CPPED1: variants seen among roughly 807,000 people sequenced by gnomAD.
CPPED1 encodes serine/threonine-protein phosphatase CPPED1.
Under a neutral mutation model 28.0 loss-of-function variants are expected in CPPED1, and 28 were observed. That is an observed-to-expected ratio of 1.00 (90% CI 0.74 to 1.37). CPPED1 has a LOEUF of 1.37. Among genes scored for constraint, CPPED1 ranks in the 40% most tolerant of loss-of-function variants. CPPED1 has a pLI of 0.00. For missense variants in CPPED1, 504 were observed against 416.5 expected (o/e 1.21, Z -1.83); for synonymous variants, 198 against 180.2 (o/e 1.10, Z -0.79).
At chr16:12,778,106 C>T (rs961508368) in intron 2 of CPPED1, among the ~76,000 whole-genome samples, 1 of 151,694 alleles carries the variant, frequency 6.6e-6, no homozygotes, top group African/African-American at 2.4e-5. Flanking sequence ...GATGGGGTTT[C>T]ACCATGTTGG....
intron 1 of CPPED1, among the ~76,000 whole-genome samples, chr16:12,791,644 T>C (rs2080597355): frequency 6.6e-6 from 1 of 152,184 alleles, no homozygotes; most frequent in Non-Finnish European, 1.5e-5. Flanking sequence ...AGAAGGAGGC[T>C]GGCAGGATGG....
At chr16:12,795,701 T>G (rs1342788884) in intron 1 of CPPED1, among the ~76,000 whole-genome samples, 1 of 152,218 alleles carries the variant, frequency 6.6e-6, no homozygotes, top group Non-Finnish European at 1.5e-5. Context: ...GGAGACTCCA[T>G]GGTACATGAG....
At chr16:12,737,232 T>G (rs1410834241) in intron 2 of CPPED1, among the ~76,000 whole-genome samples, 57 of 151,914 alleles carry the variant, frequency 3.8e-4, no homozygotes, top group Admixed American at 3.7e-3. Context: ...CAGAGATCAT[T>G]TCAATGAAAA....
chr16:12,694,757 T>A (rs1273878281), intron 3 of CPPED1, among the ~76,000 whole-genome samples: 4 of 136,716 alleles, frequency 2.9e-5, no homozygotes, highest in Non-Finnish European at 6.2e-5. Flanking sequence ...GGCATGAGTG[T>A]GAGATAGTTT....
At chr16:12,744,465 A>G (rs2080274338) in intron 2 of CPPED1, among the ~76,000 whole-genome samples, 1 of 152,166 alleles carries the variant, frequency 6.6e-6, no homozygotes, top group Admixed American at 6.5e-5. Flanking sequence ...GAATTAAAAA[A>G]CTGGACAAGA....
Position 12,741,094 on chromosome 16 carries a change from T to C in CPPED1, c.290-36045A>G, listed in dbSNP as rs577751192. Reference sequence around the variant, plus strand: ...ACAGGAAAACTGCCCGACATAGCAATATAATGGGGCCCAATTATGACAAAA... The same window carrying C: ...ACAGGAAAACTGCCCGACATAGCAACATAATGGGGCCCAATTATGACAAAA... On this transcript the variant is annotated intron_variant, in intron 2 of 3. Coordinates refer to ENST00000381774, the MANE Select transcript of CPPED1 (RefSeq NM_018340.3). Among the ~76,000 whole-genome samples the C allele has an allele frequency of 1.4e-4, 21 of 152,204 alleles. No individual in the cohort carries two copies. The South Asian group carries it at 4.4e-3, about 32-fold the overall frequency.
chr16:12,784,978 G>C (rs73508454), intron 1 of CPPED1, among the ~76,000 whole-genome samples: 13,121 of 152,214 alleles, frequency 0.086, 644 homozygotes, highest in African/African-American at 0.13. Flanking sequence ...ATAAACGACA[G>C]CTCACATATC....
chr16:12,779,053 T>G (rs1459648925), intron 2 of CPPED1, among the ~76,000 whole-genome samples: 1 of 152,220 alleles, frequency 6.6e-6, no homozygotes, highest in Non-Finnish European at 1.5e-5. Context: ...CATGAAAAAC[T>G]TTTATTTTAA....
At chr16:12,777,612 A>C (rs2080504988) in intron 2 of CPPED1, among the ~76,000 whole-genome samples, 1 of 152,214 alleles carries the variant, frequency 6.6e-6, no homozygotes, top group Admixed American at 6.5e-5. Flanking sequence ...AACTAAATGG[A>C]CTTTGTGTGA....
intron 3 of CPPED1, among the ~76,000 whole-genome samples, chr16:12,676,102 C>T (rs1176025197): frequency 6.6e-6 from 1 of 152,200 alleles, no homozygotes; most frequent in Non-Finnish European, 1.5e-5. Context: ...TAGATTCCAG[C>T]ATATTTGCTC....
intron 3 of CPPED1, among the ~76,000 whole-genome samples, chr16:12,694,743 C>T (rs796774207): frequency 1.8e-3 from 36 of 19,578 alleles, no homozygotes; most frequent in Non-Finnish European, 3.4e-3. Flanking sequence ...GGGGGGGGGG[C>T]GGGGGCATGA....
At chr16:12,737,582 T>C (rs1296956767) in intron 2 of CPPED1, among the ~76,000 whole-genome samples, 1 of 152,214 alleles carries the variant, frequency 6.6e-6, no homozygotes, top group African/African-American at 2.4e-5. Context: ...GAATAACCTC[T>C]CTGGCTACAA....
intron 3 of CPPED1, among the ~76,000 whole-genome samples, chr16:12,680,364 T>A (rs182400471): frequency 1.3e-5 from 2 of 152,264 alleles, no homozygotes; most frequent in African/African-American, 4.8e-5. Flanking sequence ...CAGTGAACCT[T>A]CAGAAGGTGG....
chr16:12,761,755 AAT>A (rs1229725054), intron 2 of CPPED1, among the ~76,000 whole-genome samples: 20 of 152,342 alleles, frequency 1.3e-4, no homozygotes, highest in African/African-American at 4.8e-4. Flanking sequence ...CTCATAGTAT[AAT>A]ACCAACACTT....
intron 2 of CPPED1, among the ~76,000 whole-genome samples, chr16:12,739,619 G>A (rs1295461732): frequency 6.6e-6 from 1 of 152,146 alleles, no homozygotes; most frequent in East Asian, 1.9e-4. Context: ...CACTGGGGCT[G>A]CAAGAGTGGG....
intron 2 of CPPED1, among the ~76,000 whole-genome samples, chr16:12,713,046 CAGAA>C (rs1484043365): frequency 6.6e-6 from 1 of 151,584 alleles, no homozygotes. Flanking sequence ...TCTTTACTCT[CAGAA>C]AGAGAGAAAA....
At chr16:12,739,653 C>T (rs1255961167) in intron 2 of CPPED1, among the ~76,000 whole-genome samples, 1 of 152,160 alleles carries the variant, frequency 6.6e-6, no homozygotes, top group African/African-American at 2.4e-5. Context: ...AGTAGGCTAA[C>T]CTCTCTCTCA....
chr16:12,733,963 C>G (rs1253913446), intron 2 of CPPED1, among the ~76,000 whole-genome samples: 5 of 151,476 alleles, frequency 3.3e-5, no homozygotes, highest in Non-Finnish European at 7.4e-5. Context: ...AACAGCAATT[C>G]CATAACCTGT....
At chr16:12,750,904 G>A (rs906729894) in intron 2 of CPPED1, among the ~76,000 whole-genome samples, 11 of 152,010 alleles carry the variant, frequency 7.2e-5, no homozygotes, top group Non-Finnish European at 1.3e-4. Context: ...AGAGGTGGAG[G>A]TTGCAGCGAG....
Sources: allele counts gnomAD v4.1 joint callset (sites outside exome capture counted in the v4.1 genomes callset), GRCh38; gene constraint gnomAD v4.1.1; transcripts MANE v1.5; gene names NCBI Gene and HGNC (gene_info 2026-07-23, HGNC 2026-07-21).